The following TAFA1 variants were observed in gnomAD, a reference collection of about 807,000 sequenced individuals.
TAFA1 encodes chemokine-like protein TAFA-1.
In TAFA1, 4 loss-of-function variants were observed where a neutral mutation model predicts 18.5. That is an observed-to-expected ratio of 0.22 (90% CI 0.11 to 0.49). The LOEUF (loss-of-function observed/expected upper bound fraction) is 0.49. TAFA1 is among the 20% of genes least tolerant of loss of function. The probability of loss-of-function intolerance (pLI) is 0.98; values close to 1 mark genes in which losing one functional copy is unlikely to be tolerated. For missense variants in TAFA1, 147 were observed against 169.0 expected, an observed-to-expected ratio of 0.87 and a Z score of 0.72; for synonymous variants, 56 against 55.2, an observed-to-expected ratio of 1.01 and a Z score of -0.06.
At chr3:68,543,798 T>C (rs1355798358) in intron 4 of TAFA1, among the ~76,000 whole-genome samples, 3 of 152,168 alleles carry the variant, frequency 2.0e-5, no homozygotes, top group Admixed American at 2.0e-4. Context: ...TTTGATACCC[T>C]ATTCAAGTGG....
chr3:68,191,253 A>G (rs138239753), intron 2 of TAFA1, among the ~76,000 whole-genome samples: 13 of 151,862 alleles, frequency 8.6e-5, no homozygotes, highest in African/African-American at 1.7e-4. Flanking sequence ...TATTCCTCAT[A>G]TGGAATCCTC....
chr3:68,439,408 C>CATATAT (rs1341782542), intron 3 of TAFA1, among the ~76,000 whole-genome samples: 1 of 28,236 alleles, frequency 3.5e-5, no homozygotes, highest in African/African-American at 2.1e-4. Context: ...AATATATATA[C>CATATAT]ATACATATAT....
At chr3:68,138,520 C>A (rs1033960649) in intron 2 of TAFA1, among the ~76,000 whole-genome samples, 3 of 152,262 alleles carry the variant, frequency 2.0e-5, no homozygotes, top group Admixed American at 2.0e-4. Flanking sequence ...GGCTGAATTT[C>A]TTTAGCCATT....
intron 2 of TAFA1, among the ~76,000 whole-genome samples, chr3:68,073,085 G>T (rs1423134594): frequency 6.6e-6 from 1 of 152,102 alleles, no homozygotes; most frequent in Non-Finnish European, 1.5e-5. Flanking sequence ...GGCTTCCAAA[G>T]AAAATTTCAA....
chr3:68,197,784 A>G (rs1287791434), intron 2 of TAFA1, among the ~76,000 whole-genome samples: 1 of 151,726 alleles, frequency 6.6e-6, no homozygotes. Context: ...TTCACTGGTG[A>G]GAAAAAGCAT....
In TAFA1 at chr3:68,298,802, C is replaced by A. The variant is rs139341198; in HGVS notation, c.119-118478C>A. ...CTGAAGCCTCCCCAGCCATGCTGAA[C>A]TGTGAATCAATTAAAGCTCTTTCCT... On this transcript the variant is annotated intron_variant, in intron 2 of 4. Transcript: ENST00000478136. Among the ~76,000 whole-genome samples, 4 of 152,310 alleles carry A rather than the reference C, an allele frequency of 2.6e-5. No individual in the cohort carries two copies. The East Asian group carries it at 7.7e-4, about 29-fold the overall frequency.
chr3:68,093,080 T>G (rs1199346553), intron 2 of TAFA1, among the ~76,000 whole-genome samples: 2 of 152,126 alleles, frequency 1.3e-5, no homozygotes, highest in African/African-American at 4.8e-5. Flanking sequence ...TCCCTGTCCT[T>G]CCTCAAAATC....
At chr3:68,534,638 G>A (rs796421200) in intron 3 of TAFA1, among the ~76,000 whole-genome samples, 11 of 152,198 alleles carry the variant, frequency 7.2e-5, no homozygotes, top group African/African-American at 2.6e-4. Context: ...TTCTGAGGAC[G>A]TTTTTCTTCT....
chr3:68,436,929 A>G (rs1035178214), intron 3 of TAFA1, among the ~76,000 whole-genome samples: 1 of 152,230 alleles, frequency 6.6e-6, no homozygotes, highest in Admixed American at 6.5e-5. Flanking sequence ...AACTCTAAAT[A>G]GTGCTGAAAA....
chr3:68,352,776 G>T (rs1196778761), intron 2 of TAFA1, among the ~76,000 whole-genome samples: 1 of 152,032 alleles, frequency 6.6e-6, no homozygotes, highest in African/African-American at 2.4e-5. Flanking sequence ...TTGTCCCATT[G>T]TCAGTGATAG....
At chr3:68,291,820 T>G (rs746943020) in intron 2 of TAFA1, among the ~76,000 whole-genome samples, 5 of 152,190 alleles carry the variant, frequency 3.3e-5, no homozygotes, top group Non-Finnish European at 5.9e-5. Context: ...CATGCTTATT[T>G]AGAGAATCCT....
At chr3:68,045,747 T>C (rs2106689459) in intron 2 of TAFA1, among the ~76,000 whole-genome samples, 2 of 152,300 alleles carry the variant, frequency 1.3e-5, no homozygotes, top group South Asian at 4.1e-4. Flanking sequence ...GTGTATGTAT[T>C]ATTCTGTGAC....
At chr3:68,049,149 G>T (rs1435269144) in intron 2 of TAFA1, among the ~76,000 whole-genome samples, 4 of 152,240 alleles carry the variant, frequency 2.6e-5, no homozygotes, top group African/African-American at 9.6e-5. Context: ...ATATGCAGTG[G>T]CTTTGGCTTA....
At chr3:68,355,140 A>G (rs1175943742) in intron 2 of TAFA1, among the ~76,000 whole-genome samples, 2 of 151,786 alleles carry the variant, frequency 1.3e-5, no homozygotes, top group African/African-American at 4.8e-5. Context: ...TCTGCAAAAA[A>G]CTGTGAGGGT....
intron 2 of TAFA1, among the ~76,000 whole-genome samples, chr3:68,277,341 C>G (rs2067815956): frequency 6.6e-6 from 1 of 152,096 alleles, no homozygotes; most frequent in Non-Finnish European, 1.5e-5. Context: ...AGGGCTGATG[C>G]TCTGAATTTA....
chr3:68,351,173 T>C (rs2069258198), intron 2 of TAFA1, among the ~76,000 whole-genome samples: 1 of 152,100 alleles, frequency 6.6e-6, no homozygotes, highest in African/African-American at 2.4e-5. Flanking sequence ...TGGGTGTTTC[T>C]AATGTGCCAC....
chr3:68,009,276 G>C (rs1214748570), intron 2 of TAFA1, among the ~76,000 whole-genome samples: 4 of 152,170 alleles, frequency 2.6e-5, no homozygotes, highest in Non-Finnish European at 4.4e-5. Flanking sequence ...CTCTTAATCA[G>C]TGAATATATG....
rs146543243 is a variant in TAFA1 at position 68,174,690 on chromosome 3, A to G, written c.118+167946A>G. 1.9e-3 allele frequency among the ~76,000 whole-genome samples: 296 copies of G among 152,304 alleles called. 2 individuals are homozygous for G. The highest frequency in any genetic ancestry group is 4.3e-4 in the Non-Finnish European group (29 of 68,024). On this transcript the variant is annotated intron_variant, in intron 2 of 4. Transcript: ENST00000478136. Reference sequence around the variant, plus strand: ...TGTTGTTAAAGGCATTCAGTTTTATAAGGGAAGCAGAGCATGAAAGTTGGA... The same window carrying G: ...TGTTGTTAAAGGCATTCAGTTTTATGAGGGAAGCAGAGCATGAAAGTTGGA...
chr3:68,499,648 T>G (rs778476852), intron 3 of TAFA1, among the ~76,000 whole-genome samples: 11 of 151,930 alleles, frequency 7.2e-5, no homozygotes, highest in African/African-American at 9.7e-5. Context: ...AAAACACATT[T>G]TAAAGTTCTA....
Sources: allele counts gnomAD v4.1 joint callset (sites outside exome capture counted in the v4.1 genomes callset), GRCh38; gene constraint gnomAD v4.1.1; transcripts MANE v1.5; gene names NCBI Gene and HGNC (gene_info 2026-07-23, HGNC 2026-07-21).